The following CLPX variants were observed in gnomAD, a reference collection of about 807,000 sequenced individuals.
The protein encoded by CLPX is ATP-dependent clpX-like chaperone, mitochondrial.
A neutral mutation model predicts 76.4 loss-of-function variants in CLPX; 34 were observed. The ratio of observed to expected loss-of-function variants is 0.45; its 90% CI spans 0.34 to 0.59. The LOEUF is 0.59. Among genes scored for constraint, CLPX ranks in the 20% least tolerant of loss-of-function variants. The probability of loss-of-function intolerance (pLI) is 0.01; values close to 1 mark genes in which losing one functional copy is unlikely to be tolerated. For synonymous variants in CLPX, 248 were observed against 270.9 expected (o/e 0.92, Z 0.83); for missense variants, 613 against 757.0 (o/e 0.81, Z 2.23).
At chr15:65,176,528 G>C (rs947379289) in intron 3 of CLPX, among the ~76,000 whole-genome samples, 6 of 151,882 alleles carry the variant, frequency 4.0e-5, no homozygotes, top group Admixed American at 6.6e-5. Flanking sequence ...TATATATGTT[G>C]GCATTTATTA....
chr15:65,165,632 G>A (rs1461426693), intron 4 of CLPX, among the ~76,000 whole-genome samples: 7 of 151,786 alleles, frequency 4.6e-5, no homozygotes, highest in African/African-American at 1.5e-4. Flanking sequence ...TGATCCGCCC[G>A]CCTCGGCCTC....
intron 3 of CLPX, among the ~76,000 whole-genome samples, chr15:65,172,190 C>T (rs1215590522): frequency 6.6e-6 from 1 of 152,054 alleles, no homozygotes; most frequent in African/African-American, 2.4e-5. Context: ...CTCAAACTCC[C>T]AACCTCAGGT....
In CLPX at chr15:65,166,741, C is replaced by T; in HGVS notation, c.403G>A (p.Val135Ile). 1.9e-6 allele frequency: 3 copies of T among 1,612,828 alleles called. No individual in the cohort carries two copies. Among genetic ancestry groups the T allele is most frequent in the South Asian group, 1.1e-5 (1 of 90,900 alleles). Reference protein sequence around the residue: ...VKCEKCHHFFVVLSEADSKKS... With the variant: ...VKCEKCHHFFIVLSEADSKKS... ...TTTGAGTCTGCTTCAGATAGCACAA[C>T]AAAAAAATGATGACACTTTTCACAC... Residue 135 changes from valine to isoleucine, a missense_variant, in exon 4 of 14, where the codon GTT becomes ATT. Around this residue, in one of 2 missense-constraint regions of CLPX, gnomAD observed 450 missense variants for 638.6 expected, o/e 0.70. Coordinates refer to ENST00000300107, the MANE Select transcript of CLPX (RefSeq NM_006660.5).
At chr15:65,155,316 C>G (rs2087774045) in intron 10 of CLPX, among the ~76,000 whole-genome samples, 1 of 152,206 alleles carries the variant, frequency 6.6e-6, no homozygotes, top group African/African-American at 2.4e-5. Flanking sequence ...CCTTAGAGTT[C>G]TTGGCTCACT....
intron 11 of CLPX, 44 bp downstream of exon 11, chr15:65,154,738 C>T (rs750620909): frequency 1.7e-5 from 25 of 1,460,560 alleles, no homozygotes; most frequent in Non-Finnish European, 2.1e-5. Flanking sequence ...ATTTCAATAG[C>T]AAGAAAATAA....
chr15:65,174,105 G>T (rs2088052769), intron 3 of CLPX, among the ~76,000 whole-genome samples: 1 of 151,810 alleles, frequency 6.6e-6, no homozygotes, highest in South Asian at 2.1e-4. Context: ...CTCCTGAGTA[G>T]TTGGGACTAC....
At chr15:65,180,287 AGGTTGAAAAAAAGCTATC>A in intron 1 of CLPX, 83 bp from the exon 2 acceptor site, 1 of 1,080,920 alleles carries the variant, frequency 9.3e-7, no homozygotes, top group Non-Finnish European at 1.3e-6. Flanking sequence ...AGCATAAAGG[AGGTTGAAAAAAAGCTATC>A]ATTTTCACAG....
chr15:65,154,558 G>C, intron 11 of CLPX: 1 of 461,092 alleles, frequency 2.2e-6, no homozygotes, highest in East Asian at 3.6e-5. Context: ...TATTTTTCTT[G>C]GGCTTTAGGC....
intron 6 of CLPX, among the ~76,000 whole-genome samples, chr15:65,161,358 T>C (rs1402329227): frequency 2.0e-5 from 3 of 152,170 alleles, no homozygotes; most frequent in Admixed American, 6.5e-5. Context: ...ATGATTTTGG[T>C]CTAAAACCCT....
chr15:65,157,122 T>C (rs1233249733), intron 8 of CLPX, among the ~76,000 whole-genome samples, 190 bp from the exon 9 acceptor site: 1 of 152,228 alleles, frequency 6.6e-6, no homozygotes, highest in Non-Finnish European at 1.5e-5. Context: ...TGCTTTGTAA[T>C]CTGCTCTACG....
At position 65,150,930 on chromosome 15, in the gene CLPX, T is replaced by C. The variant is rs757979084; in HGVS notation, c.1812-17A>G. On this transcript the variant is annotated splice_polypyrimidine_tract_variant and intron_variant, in intron 13 of 13. Transcript: ENST00000300107. ...GTTGGAGCCCTACAATGAAAAGCCA[T>C]GTTTGTTTTTTTAAAATAAAAAATG... 2.6e-6 allele frequency: 4 copies of C among 1,563,768 alleles called. No individual in the cohort carries two copies. In the South Asian group the frequency reaches 4.7e-5, roughly 18 times the overall value.
intron 2 of CLPX, among the ~76,000 whole-genome samples, chr15:65,179,626 T>C (rs2088137377): frequency 6.6e-6 from 1 of 152,188 alleles, no homozygotes; most frequent in Non-Finnish European, 1.5e-5. Context: ...CATAAAGTTA[T>C]ACCAGAAATA....
intron 13 of CLPX, 99 bp from the exon 14 acceptor site, chr15:65,151,012 AG>A: frequency 2.7e-6 from 2 of 743,028 alleles, no homozygotes; most frequent in Middle Eastern, 3.1e-4. Context: ...TAGCTAAGAA[AG>A]CCACGATAAT....
chr15:65,164,332 T>C (rs543676165), intron 4 of CLPX, 144 bp from the exon 5 acceptor site: 220 of 592,330 alleles, frequency 3.7e-4, no homozygotes, highest in Non-Finnish European at 4.9e-4. Flanking sequence ...ATACATTATA[T>C]AGCAATGATT....
At position 65,185,193 on chromosome 15, in the gene CLPX, C is replaced by A; in HGVS notation, c.-40G>T. 1 of 1,508,280 alleles carries A rather than the reference C, an allele frequency of 6.6e-7. No homozygotes were observed. Among genetic ancestry groups the A allele is most frequent in the African/African-American group, 1.4e-5 (1 of 72,418 alleles). The allele number at this position is 1,508,280 out of a possible 1,614,324, so 93.4% of individuals were successfully genotyped here. A position where few individuals can be genotyped will look rare whatever the true frequency, so the allele number is the denominator to read the frequency against. ...GGCCGGGGCTTCGCCCCCTGAGGAC[C>A]TCCGGGTCACAGCGGCGTGAATCCT... On this transcript the variant is annotated 5_prime_UTR_variant, in exon 1 of 14. It adds an upstream start codon to the 5' untranslated region. Transcript: ENST00000300107.
At chr15:65,166,245 C>T (rs538560540) in intron 4 of CLPX, among the ~76,000 whole-genome samples, 25 of 152,112 alleles carry the variant, frequency 1.6e-4, no homozygotes, top group Non-Finnish European at 2.9e-4. Context: ...GAGATAATTG[C>T]AGGCTTTTTT....
chr15:65,166,899 C>T, intron 3 of CLPX, 114 bp from the exon 4 acceptor site: 1 of 972,802 alleles, frequency 1.0e-6, no homozygotes, highest in Non-Finnish European at 1.5e-6. Context: ...AGTAGACTTG[C>T]TGTTCAATCT....
rs1177178376 is a variant in CLPX at position 65,148,417 on chromosome 15, C to T, written c.*2406G>A. The T allele has an allele frequency of 6.6e-6, 1 of 152,138 alleles. No homozygotes were observed. Among genetic ancestry groups the T allele is most frequent in the Non-Finnish European group, 1.5e-5 (1 of 68,030 alleles). 9.4% of individuals were successfully genotyped at this position (152,138 alleles called of 1,614,324 possible). A position where few individuals can be genotyped will look rare whatever the true frequency, so the allele number is the denominator to read the frequency against. On this transcript the variant is annotated 3_prime_UTR_variant, in exon 14 of 14. Coordinates refer to ENST00000300107, the MANE Select transcript of CLPX (RefSeq NM_006660.5). ...TTTAGCAGCTAGTCTGATTTCCACT[C>T]TACAAAAAGGAAAATGATGCTATAA...
intron 6 of CLPX, among the ~76,000 whole-genome samples, chr15:65,160,433 T>G (rs1319794191): frequency 6.6e-6 from 1 of 152,156 alleles, no homozygotes; most frequent in Non-Finnish European, 1.5e-5. Flanking sequence ...AGTTAAATTG[T>G]CACTAGCAAA....
Sources: allele counts gnomAD v4.1 joint callset (sites outside exome capture counted in the v4.1 genomes callset), GRCh38; gene constraint gnomAD v4.1.1; regional missense constraint gnomAD v4.1.1; transcripts MANE v1.5; gene names NCBI Gene and HGNC (gene_info 2026-07-23, HGNC 2026-07-21).